MARCHF4: variants seen among roughly 807,000 people sequenced by gnomAD.
The protein encoded by MARCHF4 is membrane associated ring-CH-type finger 4.
Under a neutral mutation model 43.9 loss-of-function variants are expected in MARCHF4, and 14 were observed. That is an observed-to-expected ratio of 0.32 (90% confidence interval 0.21 to 0.50). The LOEUF (loss-of-function observed/expected upper bound fraction) is 0.50. MARCHF4 is among the 20% of genes least tolerant of loss of function. The pLI is 0.98. For synonymous variants in MARCHF4, 226 were observed against 213.3 expected, an observed-to-expected ratio of 1.06 and a Z score of -0.52; for missense variants, 468 against 536.7, an observed-to-expected ratio of 0.87 and a Z score of 1.27.
intron 3 of MARCHF4, among the ~76,000 whole-genome samples, chr2:216,268,984 C>A (rs1226758866): frequency 1.3e-5 from 2 of 152,108 alleles, no homozygotes; most frequent in African/African-American, 2.4e-5. Flanking sequence ...GGCCAGGCAT[C>A]TTTAAATCAC....
intron 1 of MARCHF4, among the ~76,000 whole-genome samples, chr2:216,365,245 C>A (rs1006889940): frequency 6.6e-6 from 1 of 152,226 alleles, no homozygotes; most frequent in African/African-American, 2.4e-5. Context: ...GACTAGACTA[C>A]TCTATACAAT....
chr2:216,309,836 T>C (rs2105955408), intron 1 of MARCHF4, among the ~76,000 whole-genome samples: 1 of 150,440 alleles, frequency 6.6e-6, no homozygotes, highest in South Asian at 2.2e-4. Context: ...TTTTTAATTA[T>C]TATTTTGCAT....
chr2:216,269,037 A>G (rs966367634), intron 3 of MARCHF4, among the ~76,000 whole-genome samples: 2 of 152,206 alleles, frequency 1.3e-5, no homozygotes, highest in Admixed American at 1.3e-4. Flanking sequence ...AAGCTTAAAA[A>G]AAAACAAAAC....
At chr2:216,319,305 CTAAAA>C (rs1389106549) in intron 1 of MARCHF4, among the ~76,000 whole-genome samples, 21 of 152,042 alleles carry the variant, frequency 1.4e-4, no homozygotes, top group Non-Finnish European at 3.1e-4. Flanking sequence ...GAGATTCCAT[CTAAAA>C]CAAAACAAAA....
chr2:216,318,762 A>G (rs13395249), intron 1 of MARCHF4, among the ~76,000 whole-genome samples: 5,247 of 152,212 alleles, frequency 0.034, 119 homozygotes, highest in Non-Finnish European at 0.053. Flanking sequence ...ACTTTGGGTT[A>G]ACACACAGAA....
intron 1 of MARCHF4, among the ~76,000 whole-genome samples, chr2:216,337,355 G>C (rs1415070785): frequency 1.3e-5 from 2 of 152,128 alleles, no homozygotes; most frequent in Non-Finnish European, 2.9e-5. Flanking sequence ...TTGATGTCTT[G>C]AAAAGTTCTT....
chr2:216,291,372 C>T (rs1402998116), intron 1 of MARCHF4, among the ~76,000 whole-genome samples: 2 of 152,130 alleles, frequency 1.3e-5, no homozygotes, highest in East Asian at 3.9e-4. Flanking sequence ...AAGGCATACG[C>T]TGAGAGTGAA....
intron 3 of MARCHF4, among the ~76,000 whole-genome samples, chr2:216,261,214 C>A (rs1444399923): frequency 6.6e-6 from 1 of 152,164 alleles, no homozygotes; most frequent in African/African-American, 2.4e-5. Context: ...AAATCAGTCC[C>A]ACTGGGCTGA....
At chr2:216,355,409 G>A (rs899410838) in intron 1 of MARCHF4, among the ~76,000 whole-genome samples, 1 of 152,156 alleles carries the variant, frequency 6.6e-6, no homozygotes, top group Non-Finnish European at 1.5e-5. Flanking sequence ...TGCAAAATCA[G>A]TCTTGTTTTA....
At chr2:216,279,305 G>A (rs1691085485) in intron 2 of MARCHF4, among the ~76,000 whole-genome samples, 1 of 152,236 alleles carries the variant, frequency 6.6e-6, no homozygotes, top group Non-Finnish European at 1.5e-5. Flanking sequence ...AGTGGGTGGA[G>A]TGGAGACAGC....
At chr2:216,273,591 T>C (rs1009613890) in intron 3 of MARCHF4, among the ~76,000 whole-genome samples, 2 of 152,186 alleles carry the variant, frequency 1.3e-5, no homozygotes, top group Admixed American at 6.5e-5. Context: ...CAGGGAGCCT[T>C]CTCTTCCTCT....
At position 216,283,707 on chromosome 2, in the gene MARCHF4, C is replaced by A. The variant is rs759420311; in HGVS notation, c.539G>T (p.Arg180Leu). 1.9e-6 allele frequency: 3 copies of A among 1,608,466 alleles called. No homozygotes were observed. Among genetic ancestry groups the A allele is most frequent in the African/African-American group, 1.3e-5 (1 of 74,838 alleles). The stretch of plus-strand genomic sequence containing the variant: ...TGTGCACTTGACCGAGCCATCACAG[C>A]GGCATGGGCTCAGCAGCTCCCCCTG... ...PEQGELLSPC[R>L]CDGSVKCTHQ... is the part of the protein sequence containing the mutation. Residue 180 changes from arginine (R) to leucine (L), a missense_variant, in exon 2 of 4, where the codon CGC (arginine) becomes CTC (leucine). Coordinates refer to ENST00000273067, the MANE Select transcript of MARCHF4 (RefSeq NM_020814.3).
intron 1 of MARCHF4, among the ~76,000 whole-genome samples, chr2:216,318,851 T>C (rs1304181082): frequency 6.6e-6 from 1 of 152,086 alleles, no homozygotes; most frequent in South Asian, 2.1e-4. Context: ...AAGCTACTTC[T>C]TTAGGGGATT....
At chr2:216,332,737 G>A (rs1421518681) in intron 1 of MARCHF4, among the ~76,000 whole-genome samples, 2 of 152,100 alleles carry the variant, frequency 1.3e-5, no homozygotes, top group Non-Finnish European at 2.9e-5. Context: ...GATTAACAAA[G>A]CTGTCTGAAC....
At chr2:216,353,890 C>A (rs1376208130) in intron 1 of MARCHF4, among the ~76,000 whole-genome samples, 1 of 152,160 alleles carries the variant, frequency 6.6e-6, no homozygotes, top group East Asian at 1.9e-4. Flanking sequence ...AATGCCTACT[C>A]TTCCCTCCCA....
chr2:216,360,562 G>A (rs934513670), intron 1 of MARCHF4, among the ~76,000 whole-genome samples: 8 of 152,076 alleles, frequency 5.3e-5, no homozygotes, highest in African/African-American at 9.7e-5. Context: ...CTGACATCCT[G>A]GAAAAGGCCA....
At chr2:216,357,517 C>T (rs1488910548) in intron 1 of MARCHF4, among the ~76,000 whole-genome samples, 1 of 152,172 alleles carries the variant, frequency 6.6e-6, no homozygotes, top group Non-Finnish European at 1.5e-5. Context: ...AACAAAGTTT[C>T]ACTATACTGC....
chr2:216,273,141 A>G (rs1244555746), intron 3 of MARCHF4, among the ~76,000 whole-genome samples: 1 of 152,208 alleles, frequency 6.6e-6, no homozygotes, highest in Non-Finnish European at 1.5e-5. Context: ...GCTTTCGTGA[A>G]GCTTCTCCTT....
chr2:216,323,233 G>A (rs1279235605), intron 1 of MARCHF4, among the ~76,000 whole-genome samples: 1 of 152,124 alleles, frequency 6.6e-6, no homozygotes, highest in African/African-American at 2.4e-5. Flanking sequence ...AAATGAGTGG[G>A]TAAGAATCTG....
Sources: allele counts gnomAD v4.1 joint callset (sites outside exome capture counted in the v4.1 genomes callset), GRCh38; gene constraint gnomAD v4.1.1; transcripts MANE v1.5; gene names NCBI Gene and HGNC (gene_info 2026-07-23, HGNC 2026-07-21).